GSTCD: variants seen among roughly 807,000 people sequenced by gnomAD.
The protein encoded by GSTCD is glutathione S-transferase C-terminal domain containing, also known as glutathione S-transferase C-terminal domain-containing protein.
A neutral mutation model predicts 68.3 loss-of-function variants in GSTCD; 44 were observed. The observed-to-expected ratio is 0.64, with a 90% CI of 0.51 to 0.83. The LOEUF (loss-of-function observed/expected upper bound fraction) is 0.83. GSTCD is among the 40% of genes least tolerant of loss of function. The probability of loss-of-function intolerance (pLI) is 0.00; values close to 1 mark genes in which losing one functional copy is unlikely to be tolerated. For synonymous variants in GSTCD, 273 were observed against 255.2 expected (o/e 1.07, Z -0.67); for missense variants, 739 against 735.9 (o/e 1.00, Z -0.05).
chr4:105,727,114 G>A (rs1412277459), intron 4 of GSTCD, among the ~76,000 whole-genome samples: 3 of 138,668 alleles, frequency 2.2e-5, no homozygotes, highest in Non-Finnish European at 3.0e-5. Flanking sequence ...TGTATATTCA[G>A]GATATTGACC....
At chr4:105,820,645 A>G (rs953407397) in intron 5 of GSTCD, 2 of 151,892 alleles carry the variant, frequency 1.3e-5, no homozygotes, top group East Asian at 1.9e-4. Flanking sequence ...CAGCTTTTCC[A>G]TAAAGCATCT....
intron 1 of GSTCD, among the ~76,000 whole-genome samples, chr4:105,712,814 C>A (rs898046245): frequency 6.6e-6 from 1 of 152,096 alleles, no homozygotes; most frequent in East Asian, 1.9e-4. Context: ...TTGGTGTTGC[C>A]ATTTTACCAG....
At chr4:105,823,300 G>T (rs1313044188) in intron 7 of GSTCD, 25 bp downstream of exon 7, 3 of 1,611,094 alleles carry the variant, frequency 1.9e-6, no homozygotes, top group Non-Finnish European at 1.7e-6. Flanking sequence ...AGAGATAAAA[G>T]GAAATATTTT....
intron 10 of GSTCD, chr4:105,840,323 C>T: frequency 2.9e-6 from 1 of 348,014 alleles, no homozygotes; most frequent in Admixed American, 3.1e-5. Context: ...TTCGTTGATG[C>T]CTGTTAGTTT....
intron 5 of GSTCD, among the ~76,000 whole-genome samples, chr4:105,800,554 G>T (rs952974355): frequency 6.6e-6 from 1 of 152,112 alleles, no homozygotes; most frequent in Admixed American, 6.5e-5. Flanking sequence ...TGAAAAATAT[G>T]TTTAAGCCTA....
At chr4:105,717,384 T>C (rs1483013335) in intron 1 of GSTCD, among the ~76,000 whole-genome samples, 1 of 152,182 alleles carries the variant, frequency 6.6e-6, no homozygotes, top group African/African-American at 2.4e-5. Flanking sequence ...CTGGGTGTAA[T>C]ATTTCCTCTA....
intron 5 of GSTCD, among the ~76,000 whole-genome samples, chr4:105,741,641 A>G (rs527306194): frequency 1.3e-5 from 2 of 152,332 alleles, no homozygotes; most frequent in African/African-American, 4.8e-5. Context: ...TCAGCTACCA[A>G]CTGAAGGAGA....
At position 105,823,143 on chromosome 4, in the gene GSTCD, A is replaced by T. The variant is rs149739741; in HGVS notation, c.1356+74A>T. The T allele has an allele frequency of 8.4e-5, 132 of 1,573,426 alleles. No homozygotes were observed. The East Asian group carries it at 2.9e-3, about 35-fold the overall frequency. Reference sequence around the variant, plus strand: ...ACTTTTCTATATTACATTCAAGGTCATGTTTTTATTTGGCAAGATTGTGGT... The same window carrying T: ...ACTTTTCTATATTACATTCAAGGTCTTGTTTTTATTTGGCAAGATTGTGGT... On this transcript the variant is annotated intron_variant, in intron 6 of 11. Coordinates refer to ENST00000515279, the MANE Select transcript of GSTCD (RefSeq NM_001370181.1).
chr4:105,712,122 A>G (rs759284916), intron 1 of GSTCD, among the ~76,000 whole-genome samples: 2 of 152,244 alleles, frequency 1.3e-5, no homozygotes, highest in Non-Finnish European at 2.9e-5. Context: ...ATATATGTAC[A>G]TTCATTCCTT....
At chr4:105,723,947 G>A (rs906282183) in intron 3 of GSTCD, among the ~76,000 whole-genome samples, 1 of 151,756 alleles carries the variant, frequency 6.6e-6, no homozygotes. Context: ...TGTTTTAAGT[G>A]CTTCAGTATT....
At chr4:105,745,810 A>G (rs1399374626) in intron 5 of GSTCD, among the ~76,000 whole-genome samples, 1 of 152,228 alleles carries the variant, frequency 6.6e-6, no homozygotes, top group Non-Finnish European at 1.5e-5. Flanking sequence ...CATAAGATAA[A>G]GAAGACAAAA....
intron 5 of GSTCD, among the ~76,000 whole-genome samples, chr4:105,743,807 C>T (rs976044571): frequency 2.0e-5 from 3 of 151,664 alleles, no homozygotes; most frequent in Middle Eastern, 3.4e-3. Flanking sequence ...TACAGGCGCC[C>T]GCCACCACGC....
chr4:105,791,658 C>T (rs1208769927), intron 5 of GSTCD, among the ~76,000 whole-genome samples: 1 of 152,008 alleles, frequency 6.6e-6, no homozygotes, highest in African/African-American at 2.4e-5. Context: ...TATTTTCTCT[C>T]CTTGAGAACA....
intron 3 of GSTCD, among the ~76,000 whole-genome samples, chr4:105,723,472 GCA>G: frequency 6.6e-6 from 1 of 151,796 alleles, no homozygotes; most frequent in East Asian, 1.9e-4. Flanking sequence ...ACAATTATTT[GCA>G]CAGTGTTTAT....
intron 3 of GSTCD, among the ~76,000 whole-genome samples, chr4:105,721,361 C>T (rs1002241652): frequency 2.0e-5 from 3 of 152,118 alleles, no homozygotes; most frequent in Admixed American, 2.0e-4. Flanking sequence ...CTTGCATTAA[C>T]ATACATTGAG....
chr4:105,725,732 TAA>T (rs1431594912), intron 3 of GSTCD, among the ~76,000 whole-genome samples: 2 of 152,082 alleles, frequency 1.3e-5, no homozygotes, highest in Non-Finnish European at 2.9e-5. Context: ...TAAAAACGTA[TAA>T]GACACATCAC....
intron 1 of GSTCD, among the ~76,000 whole-genome samples, chr4:105,713,178 T>A (rs1205899237): frequency 6.6e-6 from 1 of 152,002 alleles, no homozygotes; most frequent in African/African-American, 2.4e-5. Flanking sequence ...TTATAAAATA[T>A]ATACCTAATT....
At position 105,717,667 on chromosome 4, in the gene GSTCD, T is replaced by C. The variant is rs1040042336; in HGVS notation, c.54T>C (p.Phe18=). The C allele has an allele frequency of 2.5e-6, 4 of 1,608,632 alleles. No homozygotes were observed. The highest frequency in any genetic ancestry group is 3.4e-6 in the Non-Finnish European group (4 of 1,178,178). ...AAGAAGAATACCTGTACCTGGACTTTTCTCACCAAACAGAAGGATGCATCT... is the reference window on the plus strand; with the variant it reads ...AAGAAGAATACCTGTACCTGGACTTCTCTCACCAAACAGAAGGATGCATCT... ...LTEEEYLYLD[F]SHQTEGCIFP... is the part of the protein sequence containing the mutation. The change falls in exon 2 of 12, where the codon TTT becomes TTC. Residue 18 remains phenylalanine (F), a synonymous_variant. Coordinates refer to ENST00000515279, the MANE Select transcript of GSTCD (RefSeq NM_001370181.1).
chr4:105,711,404 G>C (rs530249728), intron 1 of GSTCD, among the ~76,000 whole-genome samples: 8 of 151,798 alleles, frequency 5.3e-5, no homozygotes, highest in African/African-American at 1.9e-4. Flanking sequence ...TAACAAATAT[G>C]TTTTTTTTCA....
Sources: allele counts gnomAD v4.1 joint callset (sites outside exome capture counted in the v4.1 genomes callset), GRCh38; gene constraint gnomAD v4.1.1; transcripts MANE v1.5; gene names NCBI Gene and HGNC (gene_info 2026-07-23, HGNC 2026-07-21).